Variants in SIL1 observed in about 807,000 individuals in gnomAD.
SIL1 encodes nucleotide exchange factor SIL1.
SIL1 carries 40 observed loss-of-function variants against 49.1 expected under a neutral mutation model. The ratio of observed to expected loss-of-function variants is 0.81; its 90% CI spans 0.63 to 1.06. The LOEUF is 1.06. Among genes scored for constraint, SIL1 ranks in the 50% least tolerant of loss-of-function variants. The probability of loss-of-function intolerance (pLI) is 0.00; values close to 1 mark genes in which losing one functional copy is unlikely to be tolerated. For synonymous variants in SIL1, 253 were observed against 250.8 expected (o/e 1.01, Z -0.08); for missense variants, 500 against 572.6 (o/e 0.87, Z 1.29).
chr5:139,013,240 T>A (rs1768324140), intron 7 of SIL1, among the ~76,000 whole-genome samples: 1 of 152,162 alleles, frequency 6.6e-6, no homozygotes, highest in South Asian at 2.1e-4. Flanking sequence ...CTATCAAGAG[T>A]GCTTCCTATG....
intron 5 of SIL1, chr5:139,035,406 A>G (rs2150439919): frequency 1.9e-6 from 1 of 539,426 alleles, no homozygotes; most frequent in Non-Finnish European, 3.7e-6. Context: ...TTTGACGATC[A>G]GGGCAGAGGC....
intron 3 of SIL1, among the ~76,000 whole-genome samples, chr5:139,073,110 G>C (rs1026583160): frequency 1.3e-5 from 2 of 152,214 alleles, no homozygotes; most frequent in Non-Finnish European, 2.9e-5. Context: ...TGATGGGAAT[G>C]TGAATTAGAA....
At chr5:138,965,013 G>T (rs528155417) in intron 7 of SIL1, among the ~76,000 whole-genome samples, 1 of 152,258 alleles carries the variant, frequency 6.6e-6, no homozygotes, top group Admixed American at 6.5e-5. Flanking sequence ...TGAGGGTGAC[G>T]CTGGGAAGAG....
At chr5:139,069,616 T>C (rs894499386) in intron 3 of SIL1, among the ~76,000 whole-genome samples, 1 of 152,114 alleles carries the variant, frequency 6.6e-6, no homozygotes, top group Admixed American at 6.6e-5. Flanking sequence ...AAGAAAGCTT[T>C]CCTGAAATGA....
intron 1 of SIL1, among the ~76,000 whole-genome samples, chr5:139,160,483 T>C (rs1292988891): frequency 2.0e-5 from 3 of 152,198 alleles, no homozygotes; most frequent in Non-Finnish European, 4.4e-5. Context: ...AACTACCTTC[T>C]GGTAACTACT....
chr5:138,998,037 AT>A (rs1186105225), intron 7 of SIL1, among the ~76,000 whole-genome samples: 2 of 152,294 alleles, frequency 1.3e-5, no homozygotes, highest in Non-Finnish European at 1.5e-5. Context: ...GAATCTGTAA[AT>A]TGCTTTGGGT....
chr5:139,024,941 C>T (rs541239535), intron 6 of SIL1, among the ~76,000 whole-genome samples: 1 of 152,320 alleles, frequency 6.6e-6, no homozygotes, highest in East Asian at 1.9e-4. Flanking sequence ...TTCCCACCAC[C>T]GGGCTTCCAC....
At chr5:138,963,764 T>A (rs982783838) in intron 7 of SIL1, among the ~76,000 whole-genome samples, 2 of 152,260 alleles carry the variant, frequency 1.3e-5, no homozygotes, top group African/African-American at 4.8e-5. Flanking sequence ...GAGAGGCAAG[T>A]GCAGCACCCA....
chr5:139,170,511 G>A (rs1751731296), intron 1 of SIL1, among the ~76,000 whole-genome samples: 1 of 147,518 alleles, frequency 6.8e-6, no homozygotes, highest in Non-Finnish European at 1.5e-5. Flanking sequence ...GAGCGCCTCT[G>A]CCCCACCACC....
Position 139,026,842 on chromosome 5 carries a change from T to A in SIL1, c.604A>T (p.Lys202Ter). ...TCAAGATCAAAGAGCGCAGCAATCTTCTCTTCCAAACTGGAGCTGGAACTA... is the reference window on the plus strand; with the variant it reads ...TCAAGATCAAAGAGCGCAGCAATCTACTCTTCCAAACTGGAGCTGGAACTA... ...FNSSSSSLEE[K>*]IAALFDLEYY... Residue 202 changes from lysine to a stop codon, truncating the protein, a stop_gained, in exon 6 of 10, where the codon AAG becomes TAG. Coordinates refer to ENST00000394817, the MANE Select transcript of SIL1 (RefSeq NM_022464.5). LOFTEE classifies it high-confidence loss of function. 1 of 1,614,130 alleles carries A rather than the reference T, an allele frequency of 6.2e-7. No individual in the cohort carries two copies. The highest frequency in any genetic ancestry group is 8.5e-7 in the Non-Finnish European group (1 of 1,180,000).
At chr5:139,175,411 A>G (rs1751861440) in intron 1 of SIL1, among the ~76,000 whole-genome samples, 1 of 152,244 alleles carries the variant, frequency 6.6e-6, no homozygotes, top group Non-Finnish European at 1.5e-5. Context: ...TCATAGAACC[A>G]AAATCTACCA....
chr5:139,099,469 C>A (rs1015123035), intron 3 of SIL1, among the ~76,000 whole-genome samples: 7 of 152,134 alleles, frequency 4.6e-5, no homozygotes, highest in South Asian at 2.1e-4. Flanking sequence ...AAAGAGATAT[C>A]TGTACTCCAT....
intron 7 of SIL1, among the ~76,000 whole-genome samples, chr5:139,020,739 T>C (rs1288591755): frequency 2.0e-5 from 3 of 152,202 alleles, no homozygotes; most frequent in Non-Finnish European, 4.4e-5. Flanking sequence ...TCTGACGGCA[T>C]GTACATTGGT....
At chr5:139,098,272 A>G (rs1486685608) in intron 3 of SIL1, among the ~76,000 whole-genome samples, 1 of 152,172 alleles carries the variant, frequency 6.6e-6, no homozygotes, top group Non-Finnish European at 1.5e-5. Flanking sequence ...AGAAGAGAGA[A>G]CCCAGAAACA....
chr5:139,124,441 T>C (rs1303503492), intron 2 of SIL1, among the ~76,000 whole-genome samples: 1 of 152,210 alleles, frequency 6.6e-6, no homozygotes, highest in African/African-American at 2.4e-5. Flanking sequence ...ACAAAACCTG[T>C]ACATTTAAAA....
At chr5:139,161,949 G>A (rs549086310) in intron 1 of SIL1, among the ~76,000 whole-genome samples, 8 of 151,794 alleles carry the variant, frequency 5.3e-5, no homozygotes, top group South Asian at 2.1e-4. Context: ...GGAAGTGGTC[G>A]TTGCAGTGAG....
At chr5:139,045,048 T>C (rs1274700340) in intron 4 of SIL1, among the ~76,000 whole-genome samples, 2 of 152,190 alleles carry the variant, frequency 1.3e-5, no homozygotes, top group Admixed American at 6.5e-5. Flanking sequence ...ATTTGCACAG[T>C]TGACCCTCCC....
chr5:139,111,980 G>A (rs915541641), intron 3 of SIL1, among the ~76,000 whole-genome samples: 2 of 152,174 alleles, frequency 1.3e-5, no homozygotes, highest in East Asian at 1.9e-4. Flanking sequence ...GAGCGCCTGC[G>A]ATTGCAGGTG....
chr5:139,131,860 G>A (rs1750871296), intron 1 of SIL1: 1 of 152,262 alleles, frequency 6.6e-6, no homozygotes, highest in Admixed American at 6.5e-5. Context: ...TTCCTGAGAG[G>A]GCACAACCCT....
Sources: gnomAD v4.1 joint callset for allele counts (sites outside exome capture counted in the v4.1 genomes callset) on GRCh38, gnomAD v4.1.1 for gene constraint, MANE v1.5 for transcripts, NCBI Gene and HGNC (gene_info 2026-07-23, HGNC 2026-07-21) for gene names.